COL6A3: variants seen among roughly 807,000 people sequenced by gnomAD.
COL6A3 encodes the protein collagen alpha-3(VI) chain.
In COL6A3, 137 loss-of-function variants were observed where a neutral mutation model predicts 274.1. That is an observed-to-expected ratio of 0.50 (90% CI 0.44 to 0.58). COL6A3 has a LOEUF of 0.58. COL6A3 is among the 20% of genes least tolerant of loss of function. The pLI is 0.00. For synonymous variants in COL6A3, 1,650 were observed against 1,650.6 expected (o/e 1.00, Z 0.01); for missense variants, 3,950 against 4,124.9 (o/e 0.96, Z 1.16).
chr2:237,374,148 C>T lies in COL6A3; in HGVS notation c.3679+264G>A, dbSNP rs968372794. 1.3e-5 allele frequency among the ~76,000 whole-genome samples: 2 copies of T among 152,200 alleles called. No homozygotes were observed. The highest frequency in any genetic ancestry group is 1.3e-4 in the Admixed American group (2 of 15,282). On this transcript the variant is annotated intron_variant, in intron 8 of 43. Transcript: ENST00000295550. The surrounding 1 kb of genome is among the most constrained non-coding windows in gnomAD (Gnocchi z 4.8). Reference sequence around the variant, plus strand: ...AGCTTTCATGCAAAGTTAAGGAGTCCTGAATTCCAAGCTGCACATATGTCC... The same window carrying T: ...AGCTTTCATGCAAAGTTAAGGAGTCTTGAATTCCAAGCTGCACATATGTCC...
chr2:237,372,087 G>A lies in COL6A3; in HGVS notation c.3930C>T (p.Ile1310=). The change falls in exon 9 of 44, where the codon ATC becomes ATT. Residue 1310 remains isoleucine, a synonymous_variant. Transcript: ENST00000295550. ...CGTACTCCAGGGCATTGCCCACGTT[G>A]ATCTGCCGCCCTCCCTTGGGCCTCA... ...QRLRPKGGRQ[I]NVGNALEYVS... 6.2e-7 allele frequency: 1 copy of A among 1,614,036 alleles called. No individual in the cohort carries two copies. The highest frequency in any genetic ancestry group is 8.5e-7 in the Non-Finnish European group (1 of 1,180,036).
chr2:237,389,738 C>G (rs1298693036), intron 3 of COL6A3, among the ~76,000 whole-genome samples: 1 of 152,194 alleles, frequency 6.6e-6, no homozygotes. Context: ...CAGATTAATT[C>G]TTTGCATAGG....
At chr2:237,394,541 C>A (rs370409777) in intron 3 of COL6A3, 46 bp downstream of exon 3, 2 of 1,612,592 alleles carry the variant, frequency 1.2e-6, no homozygotes, top group Non-Finnish European at 1.7e-6. Flanking sequence ...AAGCTCATCT[C>A]CCAAGAACAG....
chr2:237,335,762 AG>A (rs1385394270), intron 40 of COL6A3, among the ~76,000 whole-genome samples: 1 of 152,352 alleles, frequency 6.6e-6, no homozygotes, highest in East Asian at 1.9e-4. Context: ...TTGCTGCCTA[AG>A]AACCAACTGC....
intron 24 of COL6A3, among the ~76,000 whole-genome samples, chr2:237,353,702 G>C (rs1279105450): frequency 6.6e-6 from 1 of 152,148 alleles, no homozygotes; most frequent in African/African-American, 2.4e-5. Flanking sequence ...GGAAGTTGCG[G>C]GTTGCTGATG....
At chr2:237,403,069 AAGGTAC>A (rs1273847747) in intron 1 of COL6A3, among the ~76,000 whole-genome samples, 4 of 152,172 alleles carry the variant, frequency 2.6e-5, no homozygotes, top group Non-Finnish European at 5.9e-5. Context: ...CCACTTAGCA[AAGGTAC>A]AGGGAGAGCC....
At position 237,336,151 on chromosome 2, in the gene COL6A3, G is replaced by A; in HGVS notation, c.8949C>T (p.Ala2983=). Residue 2983 remains alanine, a synonymous_variant, in exon 40 of 44, where the codon GCC becomes GCT. Coordinates refer to ENST00000295550, the MANE Select transcript of COL6A3 (RefSeq NM_004369.4). ...QAAKPAATKP[A]TTKPMVKMSR... ...CTTTCTTACCCATGGGCTTAGTGGT[G>A]GCTGGCTTGGTGGCAGCTGGTTTGG... 6.2e-7 allele frequency: 1 copy of A among 1,613,498 alleles called. No individual in the cohort carries two copies. The highest frequency in any genetic ancestry group is 8.5e-7 in the Non-Finnish European group (1 of 1,180,020).
chr2:237,366,094 C>T (rs887993653), intron 11 of COL6A3, 59 bp from the exon 12 acceptor site: 1 of 1,482,862 alleles, frequency 6.7e-7, no homozygotes, highest in African/African-American at 1.4e-5. Flanking sequence ...ACGAACTCTA[C>T]TTATACCAGC....
intron 42 of COL6A3, among the ~76,000 whole-genome samples, chr2:237,332,476 G>A (rs2106309184): frequency 1.3e-5 from 2 of 152,182 alleles, no homozygotes; most frequent in Middle Eastern, 3.4e-3. Flanking sequence ...TGTTCTTTGT[G>A]GCTTCTCTTT....
At chr2:237,357,227 T>C in intron 23 of COL6A3, 111 bp downstream of exon 23, 2 of 914,282 alleles carry the variant, frequency 2.2e-6, no homozygotes, top group Middle Eastern at 2.1e-4. Context: ...GAAATCCTTT[T>C]ACATTCACTC....
At chr2:237,394,108 T>C (rs1378392519) in intron 3 of COL6A3, among the ~76,000 whole-genome samples, 1 of 152,196 alleles carries the variant, frequency 6.6e-6, no homozygotes, top group African/African-American at 2.4e-5. Flanking sequence ...CCAACACTCT[T>C]AAATTAACTC....
chr2:237,345,169 C>T lies in COL6A3; in HGVS notation c.7125+12G>A, dbSNP rs182877189. On this transcript the variant is annotated intron_variant, in intron 33 of 43. Coordinates refer to ENST00000295550, the MANE Select transcript of COL6A3 (RefSeq NM_004369.4). ...TGAGGTTAATGAGTCATTCTGGACA[C>T]ATGCAACTTACATCGATGGAGTCGC... 6.2e-6 allele frequency: 10 copies of T among 1,614,160 alleles called. No homozygotes were observed. In the Admixed American group the frequency reaches 1.3e-4, roughly 22 times the overall value.
At chr2:237,339,981 G>A (rs561726785) in intron 38 of COL6A3, among the ~76,000 whole-genome samples, 5 of 149,844 alleles carry the variant, frequency 3.3e-5, no homozygotes, top group Non-Finnish European at 7.4e-5. Context: ...ATTCCAGGGA[G>A]GGGGAGCCCC....
chr2:237,368,915 A>C lies in COL6A3; in HGVS notation c.4548T>G (p.Thr1516=). The C allele has an allele frequency of 2.5e-6, 4 of 1,614,182 alleles. No individual in the cohort carries two copies. The highest frequency in any genetic ancestry group is 3.4e-6 in the Non-Finnish European group (4 of 1,180,014). The change falls in exon 10 of 44, where the codon ACT becomes ACG. Residue 1516 remains threonine (T), a synonymous_variant. Transcript: ENST00000295550. This position sits in a 1 kb window ranked among gnomAD's most constrained non-coding sequence, Gnocchi z 4.4. The part of the protein sequence containing the change: ...LRLRGGSPLN[T]GKALEFVARN... ...TTGCCACAAATTCGAGAGCCTTGCC[A>C]GTGTTCAGTGGGGACCCCCCTCTGA...
At position 237,377,201 on chromosome 2, in the gene COL6A3, T is replaced by C. The variant is rs1169852645; in HGVS notation, c.2641A>G (p.Ser881Gly). Residue 881 changes from serine to glycine, a missense_variant, in exon 7 of 44, where the codon AGC becomes GGC. By Grantham distance (56) the Ser-to-Gly change is moderately conservative. Transcript: ENST00000295550. ...EGTRIAVAQY[S>G]DDVKVESRFD... ...CGGGACTCCACCTTGACATCATCGC[T>C]GTACTGAGCCACCGCAATTCGGGTC... 1.2e-6 allele frequency: 2 copies of C among 1,614,044 alleles called. No individual in the cohort carries two copies. Among genetic ancestry groups the C allele is most frequent in the Non-Finnish European group, 1.7e-6 (2 of 1,180,032 alleles).
chr2:237,397,690 T>C (rs2106392661), intron 1 of COL6A3, among the ~76,000 whole-genome samples: 2 of 152,362 alleles, frequency 1.3e-5, no homozygotes, highest in South Asian at 4.1e-4. Flanking sequence ...AGAACACAAT[T>C]ACATTTTTAG....
chr2:237,409,032 A>G (rs920364721), intron 1 of COL6A3, among the ~76,000 whole-genome samples: 1 of 152,132 alleles, frequency 6.6e-6, no homozygotes, highest in Non-Finnish European at 1.5e-5. Context: ...CCCCCTTGAA[A>G]TGTCCAGATT....
At chr2:237,390,551 G>GT (rs147369877) in intron 3 of COL6A3, among the ~76,000 whole-genome samples, 1,849 of 152,248 alleles carry the variant, frequency 0.012, 66 homozygotes, top group Admixed American at 0.06. Context: ...AAATTGTCTG[G>GT]TTTTCTGCTT....
chr2:237,396,601 C>T, intron 2 of COL6A3, 126 bp downstream of exon 2: 1 of 925,858 alleles, frequency 1.1e-6, no homozygotes, highest in South Asian at 1.3e-5. Flanking sequence ...ATCTGACTAT[C>T]CTATAATAAA....
Sources: gnomAD v4.1 joint callset for allele counts (sites outside exome capture counted in the v4.1 genomes callset) on GRCh38, gnomAD v4.1.1 for gene constraint, Gnocchi (gnomAD v3.1) non-coding constraint, MANE v1.5 for transcripts, NCBI Gene and HGNC (gene_info 2026-07-23, HGNC 2026-07-21) for gene names.